NKAIN3: variants seen among roughly 807,000 people sequenced by gnomAD.
NKAIN3 encodes sodium/potassium-transporting ATPase subunit beta-1-interacting protein 3.
A neutral mutation model predicts 30.2 loss-of-function variants in NKAIN3; 25 were observed. The observed-to-expected ratio is 0.83, with a 90% CI of 0.60 to 1.16. The LOEUF (loss-of-function observed/expected upper bound fraction) is 1.16, where lower values mean the gene tolerates loss of function less well. Ranked by LOEUF, NKAIN3 falls within the 50% of genes most tolerant of loss-of-function variation. The probability of loss-of-function intolerance (pLI) is 0.00; values close to 1 mark genes in which losing one functional copy is unlikely to be tolerated. For synonymous variants in NKAIN3, 91 were observed against 89.6 expected, an observed-to-expected ratio of 1.02 and a Z score of -0.09; for missense variants, 225 against 254.1, an observed-to-expected ratio of 0.89 and a Z score of 0.78.
intron 5 of NKAIN3, among the ~76,000 whole-genome samples, chr8:62,935,175 A>G (rs550217056): frequency 1.3e-4 from 20 of 152,122 alleles, no homozygotes; most frequent in Non-Finnish European, 5.9e-5. Context: ...AACCAAACAC[A>G]AGTACAAGTT....
At chr8:62,693,831 A>G (rs546994803) in intron 3 of NKAIN3, among the ~76,000 whole-genome samples, 1 of 152,294 alleles carries the variant, frequency 6.6e-6, no homozygotes, top group African/African-American at 2.4e-5. Context: ...CATGAGACCA[A>G]TATACTCTAG....
At chr8:62,890,093 G>A (rs1821259159) in intron 4 of NKAIN3, among the ~76,000 whole-genome samples, 1 of 152,152 alleles carries the variant, frequency 6.6e-6, no homozygotes. Flanking sequence ...TTGAATAGGT[G>A]ATAGTTTCAG....
chr8:62,883,606 T>C (rs1424186134), intron 4 of NKAIN3, among the ~76,000 whole-genome samples: 1 of 151,906 alleles, frequency 6.6e-6, no homozygotes, highest in African/African-American at 2.4e-5. Context: ...TGAATAGAAG[T>C]GGTAAGAGGA....
At chr8:62,939,419 C>T (rs1822886085) in intron 5 of NKAIN3, among the ~76,000 whole-genome samples, 1 of 152,142 alleles carries the variant, frequency 6.6e-6, no homozygotes, top group African/African-American at 2.4e-5. Flanking sequence ...AGGAAATTCA[C>T]TGCAGAAAGA....
At chr8:62,647,953 T>C (rs1300725165) in intron 3 of NKAIN3, among the ~76,000 whole-genome samples, 1 of 152,080 alleles carries the variant, frequency 6.6e-6, no homozygotes, top group Non-Finnish European at 1.5e-5. Context: ...AAGAACTTGA[T>C]GCAGGTGGGG....
downstream of NKAIN3, chr8:62,984,979 C>G (rs1036306626): frequency 1.3e-5 from 2 of 152,286 alleles, no homozygotes; most frequent in East Asian, 3.9e-4. Flanking sequence ...CCATATGCAT[C>G]TTGAATGTTC....
chr8:62,335,813 G>T (rs932543993), intron 1 of NKAIN3, among the ~76,000 whole-genome samples: 1 of 151,862 alleles, frequency 6.6e-6, no homozygotes, highest in African/African-American at 2.4e-5. Flanking sequence ...AAAACTTTAT[G>T]GGACCCCTGT....
intron 1 of NKAIN3, among the ~76,000 whole-genome samples, chr8:62,361,883 C>G (rs1239055903): frequency 6.6e-6 from 1 of 152,150 alleles, no homozygotes; most frequent in Non-Finnish European, 1.5e-5. Context: ...CTATAATGCT[C>G]AATGCATTCC....
chr8:62,787,259 C>A (rs927280444), intron 4 of NKAIN3, among the ~76,000 whole-genome samples: 4 of 152,000 alleles, frequency 2.6e-5, no homozygotes, highest in African/African-American at 9.7e-5. Flanking sequence ...AAAAACATAT[C>A]GCTTATTGTT....
intron 1 of NKAIN3, among the ~76,000 whole-genome samples, chr8:62,507,349 G>A (rs549108756): frequency 3.3e-5 from 5 of 152,270 alleles, no homozygotes; most frequent in African/African-American, 1.2e-4. Context: ...CAACTATCTA[G>A]TTCTGCACAC....
At chr8:62,539,860 T>C (rs1808785935) in intron 1 of NKAIN3, among the ~76,000 whole-genome samples, 1 of 152,308 alleles carries the variant, frequency 6.6e-6, no homozygotes, top group Non-Finnish European at 1.5e-5. Context: ...GATTCAGGCA[T>C]GAGCCACTTT....
chr8:62,688,359 T>C (rs555075192), intron 3 of NKAIN3, among the ~76,000 whole-genome samples: 17 of 152,324 alleles, frequency 1.1e-4, no homozygotes, highest in South Asian at 1.0e-3. Flanking sequence ...TCAAAATTAT[T>C]GGGAAGATTA....
At chr8:62,671,819 G>GA (rs1308488229) in intron 3 of NKAIN3, among the ~76,000 whole-genome samples, 7 of 151,788 alleles carry the variant, frequency 4.6e-5, no homozygotes, top group Non-Finnish European at 8.8e-5. Flanking sequence ...CCACATAATA[G>GA]AAAAAAATGA....
At chr8:62,280,322 A>C (rs1383317146) in intron 1 of NKAIN3, among the ~76,000 whole-genome samples, 1 of 152,192 alleles carries the variant, frequency 6.6e-6, no homozygotes. Context: ...ATCTGCAAAC[A>C]GGGACAATTT....
intron 4 of NKAIN3, among the ~76,000 whole-genome samples, chr8:62,788,009 T>C (rs1817578988): frequency 7.3e-6 from 1 of 137,324 alleles, no homozygotes; most frequent in African/African-American, 2.8e-5. Flanking sequence ...TGTGTCTTTA[T>C]AGCAGCATGA....
intron 1 of NKAIN3, among the ~76,000 whole-genome samples, chr8:62,573,016 A>G (rs1809996443): frequency 1.3e-5 from 2 of 152,224 alleles, no homozygotes; most frequent in Admixed American, 1.3e-4. Flanking sequence ...AATGCGGGGC[A>G]TGGCTAATGA....
At chr8:62,335,442 AAAAAAAAAAG>A (rs1419213740) in intron 1 of NKAIN3, among the ~76,000 whole-genome samples, 2 of 151,496 alleles carry the variant, frequency 1.3e-5, no homozygotes, top group African/African-American at 4.8e-5. Flanking sequence ...CAAAAAAAAA[AAAAAAAAAAG>A]AAAGAAAGAA....
chr8:62,388,021 T>C (rs1038518764), intron 1 of NKAIN3, among the ~76,000 whole-genome samples: 2 of 152,208 alleles, frequency 1.3e-5, no homozygotes, highest in African/African-American at 4.8e-5. Flanking sequence ...TAAATTTCAC[T>C]CATATGCCTT....
chr8:62,449,754 G>T (rs1166676163), intron 1 of NKAIN3, among the ~76,000 whole-genome samples: 1 of 152,020 alleles, frequency 6.6e-6, no homozygotes, highest in Non-Finnish European at 1.5e-5. Flanking sequence ...ATGAGTTTTT[G>T]TCTCATTGAG....
Sources: allele counts gnomAD v4.1 joint callset (sites outside exome capture counted in the v4.1 genomes callset), GRCh38; gene constraint gnomAD v4.1.1; transcripts MANE v1.5; gene names NCBI Gene and HGNC (gene_info 2026-07-23, HGNC 2026-07-21).